The following LRRC28 variants were observed in gnomAD, a reference collection of about 807,000 sequenced individuals.
LRRC28 encodes the protein leucine rich repeat containing 28, also known as leucine-rich repeat-containing protein 28.
A neutral mutation model predicts 45.7 loss-of-function variants in LRRC28; 39 were observed. That is an observed-to-expected ratio of 0.85 (90% CI 0.66 to 1.12). The LOEUF is 1.12. Among genes scored for constraint, LRRC28 ranks in the 50% most tolerant of loss-of-function variants. LRRC28 has a pLI of 0.00. For missense variants in LRRC28, 435 were observed against 438.5 expected, an observed-to-expected ratio of 0.99 and a Z score of 0.07; for synonymous variants, 206 against 178.8, an observed-to-expected ratio of 1.15 and a Z score of -1.22.
chr15:99,283,439 C>A (rs1460137070), intron 3 of LRRC28, among the ~76,000 whole-genome samples: 1 of 149,888 alleles, frequency 6.7e-6, no homozygotes, highest in Non-Finnish European at 1.5e-5. Flanking sequence ...TGCTGAAACC[C>A]CATCTCTACT....
chr15:99,344,363 G>A (rs1956615489), intron 6 of LRRC28, among the ~76,000 whole-genome samples: 1 of 151,930 alleles, frequency 6.6e-6, no homozygotes, highest in Non-Finnish European at 1.5e-5. Context: ...ATCACCCACT[G>A]CATTGTCTAA....
chr15:99,293,632 A>AAAAAAAAAAAAAAAAC (rs2082191267), intron 5 of LRRC28, among the ~76,000 whole-genome samples: 1 of 142,134 alleles, frequency 7.0e-6, no homozygotes, highest in Non-Finnish European at 1.5e-5. Context: ...AAAAAAAAAA[A>AAAAAAAAAAAAAAAAC]ACCTAAACAA....
intron 9 of LRRC28, among the ~76,000 whole-genome samples, chr15:99,370,846 A>G (rs1567705383): frequency 1.3e-5 from 2 of 152,382 alleles, no homozygotes; most frequent in East Asian, 3.9e-4. Flanking sequence ...GTGTATATAT[A>G]GAAAAAGTCT....
intron 7 of LRRC28, among the ~76,000 whole-genome samples, chr15:99,360,743 G>A (rs1267206083): frequency 6.6e-6 from 1 of 152,198 alleles, no homozygotes; most frequent in Non-Finnish European, 1.5e-5. Flanking sequence ...CGGTAACACT[G>A]CAGCATTAGG....
intron 3 of LRRC28, among the ~76,000 whole-genome samples, chr15:99,281,450 T>G (rs1456966685): frequency 6.6e-6 from 1 of 151,120 alleles, no homozygotes; most frequent in Non-Finnish European, 1.5e-5. Flanking sequence ...GAAGTTCTGT[T>G]TATTTTTCTT....
chr15:99,302,051 G>A (rs1954993485), intron 5 of LRRC28, among the ~76,000 whole-genome samples: 1 of 149,468 alleles, frequency 6.7e-6, no homozygotes, highest in Admixed American at 6.7e-5. Context: ...TTTTGAGACG[G>A]AGTCTTGCTC....
intron 3 of LRRC28, among the ~76,000 whole-genome samples, chr15:99,278,874 T>A (rs2081697021): frequency 6.6e-6 from 1 of 152,220 alleles, no homozygotes; most frequent in East Asian, 1.9e-4. Flanking sequence ...TCTTCCTCTA[T>A]TCACGTGGTT....
Position 99,334,007 on chromosome 15 carries a change from T to C in LRRC28, c.470T>C (p.Leu157Pro). 6.2e-7 allele frequency: 1 copy of C among 1,614,196 alleles called. No homozygotes were observed. Among genetic ancestry groups the C allele is most frequent in the Non-Finnish European group, 8.5e-7 (1 of 1,180,028 alleles). Residue 157 changes from leucine to proline, a missense_variant, in exon 6 of 10, where the codon CTT becomes CCT. Transcript: ENST00000301981. ...LTLPERLHMC[L>P]SLQYLTVDRN... ...TTACCCGAGAGGCTTCACATGTGCC[T>C]TTCTCTGCAGTACCTCACTGTGGAC...
rs546874854 is a variant in LRRC28, at chr15:99,285,362, T to G, written c.210-1895T>G. On this transcript the variant is annotated intron_variant, in intron 3 of 9. Transcript: ENST00000301981. ...TCTGTCCACCTTGTGTGGCTTTGCA[T>G]TCATGGCTGCATCCACCTCCTCCGC... is the stretch of plus-strand genomic sequence containing the variant. The G allele has an allele frequency of 8.1e-6, 6 of 743,060 alleles. No individual in the cohort carries two copies. In the African/African-American group the frequency reaches 1.0e-4, roughly 13 times the overall value. The allele number at this position is 743,060 out of a possible 1,614,324, so 46.0% of individuals were successfully genotyped here. A position where few individuals can be genotyped will look rare whatever the true frequency, so the allele number is the denominator to read the frequency against.
At chr15:99,370,975 T>A (rs1460363220) in intron 9 of LRRC28, among the ~76,000 whole-genome samples, 2 of 152,232 alleles carry the variant, frequency 1.3e-5, no homozygotes, top group Non-Finnish European at 2.9e-5. Flanking sequence ...AACATTAGTA[T>A]GCCAAGTGCC....
At chr15:99,338,135 A>G (rs564517816) in intron 6 of LRRC28, 49 of 152,246 alleles carry the variant, frequency 3.2e-4, no homozygotes, top group African/African-American at 1.1e-3. Flanking sequence ...ATCCACGGAG[A>G]TGAAGAAACT....
intron 5 of LRRC28, chr15:99,320,474 T>C (rs989191729): frequency 6.6e-6 from 1 of 152,198 alleles, no homozygotes; most frequent in Non-Finnish European, 1.5e-5. Context: ...CATTACTCTT[T>C]AGAGCCAAAA....
intron 2 of LRRC28, among the ~76,000 whole-genome samples, chr15:99,264,996 G>A (rs1381582818): frequency 6.6e-6 from 1 of 152,196 alleles, no homozygotes; most frequent in Non-Finnish European, 1.5e-5. Context: ...AGGCAGTTGA[G>A]AGAGTTTTTG....
intron 5 of LRRC28, among the ~76,000 whole-genome samples, chr15:99,309,467 G>A (rs1955318290): frequency 6.6e-6 from 1 of 152,160 alleles, no homozygotes; most frequent in Non-Finnish European, 1.5e-5. Context: ...GGAGTGCAGT[G>A]GCACAATCTT....
intron 5 of LRRC28, among the ~76,000 whole-genome samples, chr15:99,313,007 A>G (rs918729344): frequency 6.6e-6 from 1 of 152,232 alleles, no homozygotes; most frequent in Non-Finnish European, 1.5e-5. Flanking sequence ...CAACTTAGTC[A>G]TAAAGCAAGA....
chr15:99,342,920 G>T (rs928705536), intron 6 of LRRC28, among the ~76,000 whole-genome samples: 2 of 152,192 alleles, frequency 1.3e-5, no homozygotes, highest in Non-Finnish European at 2.9e-5. Flanking sequence ...GTGTTTGTGT[G>T]TATTTAAAGA....
chr15:99,390,550 C>A lies in LRRC28; in HGVS notation c.*4448C>A, dbSNP rs1191911781. 3 of 152,140 alleles carry A rather than the reference C, an allele frequency of 2.0e-5. No homozygotes were observed. The highest frequency in any genetic ancestry group is 1.3e-4 in the Admixed American group (2 of 15,280). 9.4% of individuals were successfully genotyped at this position (152,140 alleles called of 1,614,324 possible). A position where few individuals can be genotyped will look rare whatever the true frequency, so the allele number is the denominator to read the frequency against. On this transcript the variant is annotated 3_prime_UTR_variant, in exon 10 of 10. Transcript: ENST00000301981. ...AAATAGATACATAATGAAATCCAGGCCTCTGAAAAATTATGGCAACATTCA... is the reference window on the plus strand; with the variant it reads ...AAATAGATACATAATGAAATCCAGGACTCTGAAAAATTATGGCAACATTCA...
intron 5 of LRRC28, among the ~76,000 whole-genome samples, chr15:99,308,288 G>A (rs965106654): frequency 1.3e-5 from 2 of 151,964 alleles, no homozygotes; most frequent in African/African-American, 4.8e-5. Flanking sequence ...TCTCAGTAGT[G>A]TTTTTTCCAA....
intron 5 of LRRC28, 47 bp downstream of exon 5, chr15:99,287,998 C>A (rs748049496): frequency 6.6e-6 from 10 of 1,506,210 alleles, no homozygotes; most frequent in Non-Finnish European, 8.9e-6. Flanking sequence ...TATTATAAAT[C>A]TGTATTCATA....
Sources: allele counts gnomAD v4.1 joint callset (sites outside exome capture counted in the v4.1 genomes callset), GRCh38; gene constraint gnomAD v4.1.1; transcripts MANE v1.5; gene names NCBI Gene and HGNC (gene_info 2026-07-23, HGNC 2026-07-21).